The following SMC5 variants were observed in gnomAD, a reference collection of about 807,000 sequenced individuals.
The protein encoded by SMC5 is structural maintenance of chromosomes protein 5.
SMC5 carries 88 observed loss-of-function variants against 148.3 expected under a neutral mutation model. The ratio of observed to expected loss-of-function variants is 0.59; its 90% CI spans 0.50 to 0.71. SMC5 has a LOEUF of 0.71. SMC5 is among the 30% of genes least tolerant of loss of function. The pLI is 0.00. For synonymous variants in SMC5, 421 were observed against 432.8 expected, an observed-to-expected ratio of 0.97 and a Z score of 0.34; for missense variants, 1,142 against 1,298.9, an observed-to-expected ratio of 0.88 and a Z score of 1.86.
chr9:70,346,953 G>A, intron 19 of SMC5, 113 bp from the exon 20 acceptor site: 3 of 788,882 alleles, frequency 3.8e-6, no homozygotes, highest in Non-Finnish European at 6.1e-6. Flanking sequence ...ATTCTTGTGT[G>A]CCAGCATGCT....
chr9:70,305,454 T>C, intron 11 of SMC5, 94 bp downstream of exon 11: 1 of 732,508 alleles, frequency 1.4e-6, no homozygotes, highest in Non-Finnish European at 2.4e-6. Flanking sequence ...TGATAGCTAA[T>C]TTTACCACCA....
At chr9:70,319,372 T>C (rs897399071) in intron 15 of SMC5, among the ~76,000 whole-genome samples, 3 of 152,198 alleles carry the variant, frequency 2.0e-5, no homozygotes, top group African/African-American at 7.2e-5. Flanking sequence ...CATAAAAATG[T>C]ATTAAAAATA....
chr9:70,317,278 C>T (rs952978652), intron 13 of SMC5, among the ~76,000 whole-genome samples: 6 of 152,058 alleles, frequency 3.9e-5, no homozygotes, highest in African/African-American at 1.4e-4. Context: ...TAACTCTTAA[C>T]ATTTTAGGTT....
chr9:70,286,432 G>T (rs967143603), intron 8 of SMC5, among the ~76,000 whole-genome samples, 161 bp downstream of exon 8: 3 of 152,154 alleles, frequency 2.0e-5, no homozygotes, highest in African/African-American at 7.2e-5. Context: ...TATAGTAGTT[G>T]CTCAGAGGAC....
At chr9:70,286,478 T>C (rs2034905092) in intron 8 of SMC5, among the ~76,000 whole-genome samples, 1 of 152,278 alleles carries the variant, frequency 6.6e-6, no homozygotes, top group Admixed American at 6.5e-5. Flanking sequence ...CTAGCAGCTG[T>C]GCCTTATGAT....
chr9:70,270,583 C>G (rs1485885798), intron 3 of SMC5, among the ~76,000 whole-genome samples: 1 of 151,722 alleles, frequency 6.6e-6, no homozygotes, highest in East Asian at 1.9e-4. Flanking sequence ...CACTTGTCAC[C>G]TAGGAAATTC....
At chr9:70,301,189 C>A (rs1178500701) in intron 10 of SMC5, among the ~76,000 whole-genome samples, 1 of 152,048 alleles carries the variant, frequency 6.6e-6, no homozygotes, top group Non-Finnish European at 1.5e-5. Context: ...AATATTGTGA[C>A]CCTTATAAAA....
chr9:70,281,039 A>AT, intron 6 of SMC5, 140 bp downstream of exon 6: 1 of 881,600 alleles, frequency 1.1e-6, no homozygotes. Flanking sequence ...AATAAAATTC[A>AT]TGTCTTTTTT....
intron 8 of SMC5, among the ~76,000 whole-genome samples, chr9:70,293,800 A>G (rs2035127674): frequency 2.6e-5 from 4 of 152,110 alleles, no homozygotes; most frequent in African/African-American, 7.2e-5. Flanking sequence ...GTATGGAAGT[A>G]TGCTTTTATT....
intron 9 of SMC5, among the ~76,000 whole-genome samples, chr9:70,298,529 T>C (rs1012985566): frequency 5.9e-5 from 9 of 152,158 alleles, no homozygotes; most frequent in Admixed American, 4.6e-4. Context: ...AAGCTCTTTA[T>C]TCTAGCCTTT....
At chr9:70,277,865 A>G (rs1257674374) in intron 4 of SMC5, among the ~76,000 whole-genome samples, 1 of 151,732 alleles carries the variant, frequency 6.6e-6, no homozygotes, top group Non-Finnish European at 1.5e-5. Flanking sequence ...TATATTTATA[A>G]GTATACCTTC....
intron 7 of SMC5, 49 bp from the exon 8 acceptor site, chr9:70,286,151 A>T (rs1012791492): frequency 8.2e-7 from 1 of 1,219,162 alleles, no homozygotes; most frequent in African/African-American, 1.5e-5. Context: ...ATTTGCTTGC[A>T]TGAGTTTTTA....
chr9:70,311,261 A>G (rs1587677732), intron 11 of SMC5: 1 of 152,294 alleles, frequency 6.6e-6, no homozygotes, highest in East Asian at 1.9e-4. Flanking sequence ...TAGGGTTATT[A>G]ATTGTTCTGA....
rs2036863254 is a variant in SMC5, at chr9:70,354,407, AGTAGAGATG to A, written c.*2078_*2086del. On this transcript the variant is annotated 3_prime_UTR_variant, in exon 25 of 25. Coordinates refer to ENST00000361138, the MANE Select transcript of SMC5 (RefSeq NM_015110.4). ...CACCCAGCTAATTTTTTATACTTTT[AGTAGAGATG>A]GGGTTTCAGCATATTGGCCAGGCTG... 1 of 152,090 alleles carries A rather than the reference AGTAGAGATG, an allele frequency of 6.6e-6. No individual in the cohort carries two copies. Among genetic ancestry groups the A allele is most frequent in the African/African-American group, 2.4e-5 (1 of 41,400 alleles). The allele number at this position is 152,090 out of a possible 1,614,324, so 9.4% of individuals were successfully genotyped here.
intron 15 of SMC5, among the ~76,000 whole-genome samples, chr9:70,320,968 T>C (rs1307768072): frequency 1.3e-5 from 2 of 152,194 alleles, no homozygotes; most frequent in African/African-American, 2.4e-5. Flanking sequence ...ACACCGTCAG[T>C]GCAAATGACA....
rs1486386045 is a variant in SMC5 at position 70,258,982 on chromosome 9, C to T, written c.-97C>T. On this transcript the variant is annotated 5_prime_UTR_variant, in exon 1 of 25. Transcript: ENST00000361138. ...CGCGCGGTAACAGTTCGCGGCAGTT[C>T]GCGCGGGAGCGGGGCGCCTGGGTGG... 89 of 1,396,020 alleles carry T rather than the reference C, an allele frequency of 6.4e-5. No individual in the cohort carries two copies. Among genetic ancestry groups the T allele is most frequent in the Non-Finnish European group, 8.3e-5 (87 of 1,052,068 alleles). The allele number at this position is 1,396,020 out of a possible 1,614,324, so 86.5% of individuals were successfully genotyped here.
At chr9:70,314,706 G>A (rs749896974) in intron 11 of SMC5, 36 bp from the exon 12 acceptor site, 6 of 1,111,240 alleles carry the variant, frequency 5.4e-6, no homozygotes, top group Non-Finnish European at 7.8e-6. Flanking sequence ...AGAATATATG[G>A]TAATTAAAAT....
intron 11 of SMC5, among the ~76,000 whole-genome samples, chr9:70,306,067 A>G (rs572599156): frequency 2.0e-5 from 3 of 152,336 alleles, no homozygotes; most frequent in Admixed American, 2.0e-4. Flanking sequence ...TTATCGTAAT[A>G]CATTGTTATA....
chr9:70,300,508 G>A (rs530450034), intron 10 of SMC5, among the ~76,000 whole-genome samples: 118 of 152,170 alleles, frequency 7.8e-4, no homozygotes, highest in African/African-American at 2.8e-3. Flanking sequence ...TTGTAGCAGG[G>A]ATTAGATTAA....
Sources: gnomAD v4.1 joint callset for allele counts (sites outside exome capture counted in the v4.1 genomes callset) on GRCh38, gnomAD v4.1.1 for gene constraint, MANE v1.5 for transcripts, NCBI Gene and HGNC (gene_info 2026-07-23, HGNC 2026-07-21) for gene names.